The following PDE4C variants were observed in gnomAD, a reference collection of about 807,000 sequenced individuals.
The protein encoded by PDE4C is 3',5'-cyclic-AMP phosphodiesterase 4C.
A neutral mutation model predicts 63.9 loss-of-function variants in PDE4C; 50 were observed. The observed-to-expected ratio is 0.78, with a 90% CI of 0.62 to 0.99. The LOEUF (loss-of-function observed/expected upper bound fraction) is 0.99, where lower values mean the gene tolerates loss of function less well. PDE4C is among the 50% of genes least tolerant of loss of function. The pLI, the probability that PDE4C is intolerant of heterozygous loss-of-function variation, is 0.00. For missense variants in PDE4C, 777 were observed against 899.1 expected (o/e 0.86, Z 1.74); for synonymous variants, 377 against 385.1 (o/e 0.98, Z 0.25).
intron 4 of PDE4C, 56 bp downstream of exon 4, chr19:18,221,049 T>TCCGCCAGGCCCCGCCGCACC: frequency 8.1e-7 from 1 of 1,239,968 alleles, no homozygotes; most frequent in Non-Finnish European, 1.1e-6. Context: ...CAGCCCGCTT[T>TCCGCCAGGCCCCGCCGCACC]CCGCCCACCT....
chr19:18,220,318 A>T lies in PDE4C; in HGVS notation c.614T>A (p.Phe205Tyr). ...CAACTCCCGGTTCAGGATCCGCTTG[A>T]ACTGGGGCGGAGAGAAGGTGAAGAC... The change falls in exon 7 of 15, where the codon TTC (phenylalanine) becomes TAC (tyrosine). Residue 205 changes from phenylalanine (F) to tyrosine (Y), a missense_variant and splice_region_variant. By Grantham distance (22) the Phe-to-Tyr change is conservative. This residue lies in a region of PDE4C where 28 missense variants were observed against 53.5 expected (regional missense o/e 0.52). Coordinates refer to ENST00000262805, the Ensembl canonical transcript of PDE4C. The surrounding 1 kb of genome is among the most constrained non-coding windows in gnomAD (Gnocchi z 5.1). The T allele has an allele frequency of 6.2e-7, 1 of 1,614,032 alleles. No homozygotes were observed. Among genetic ancestry groups the T allele is most frequent in the Non-Finnish European group, 8.5e-7 (1 of 1,179,996 alleles).
chr19:18,246,329 G>A (rs1481978641), intron 1 of PDE4C, among the ~76,000 whole-genome samples: 2 of 149,330 alleles, frequency 1.3e-5, no homozygotes, highest in Non-Finnish European at 3.0e-5. Context: ...GACTACAGGC[G>A]TACACCACCA....
At position 18,218,552 on chromosome 19, in the gene PDE4C, G is replaced by A. The variant is rs193170988; in HGVS notation, c.970-54C>T. ...CCTTGGCCTTGGGGCTGCAGCACAC[G>A]CTGTTCCTACCCCTCTCTTCTGAAC... is the stretch of plus-strand genomic sequence containing the variant. On this transcript the variant is annotated intron_variant, in intron 9 of 14. Coordinates refer to ENST00000262805, the Ensembl canonical transcript of PDE4C. The A allele has an allele frequency of 6.5e-4, 1,041 of 1,592,800 alleles. 5 individuals are homozygous for A. In the Middle Eastern group the frequency reaches 0.012, roughly 18 times the overall value.
intron 12 of PDE4C, among the ~76,000 whole-genome samples, chr19:18,214,983 G>A (rs1396647383): frequency 2.0e-5 from 3 of 150,320 alleles, no homozygotes; most frequent in Non-Finnish European, 4.4e-5. Flanking sequence ...ACCCACCCAT[G>A]TGGACTCAGC....
At chr19:18,224,128 C>G (rs545189114) in intron 1 of PDE4C, 20 of 870,762 alleles carry the variant, frequency 2.3e-5, no homozygotes, top group Admixed American at 6.2e-5. Context: ...ACTACCTGTC[C>G]CGTTCTACCC....
chr19:18,230,784 C>A (rs1968831901), upstream of PDE4C, among the ~76,000 whole-genome samples: 1 of 152,166 alleles, frequency 6.6e-6, no homozygotes, highest in South Asian at 2.1e-4. Context: ...TGTTCTCTGA[C>A]CTTTCCCTAT....
Position 18,226,267 on chromosome 19 carries a change from C to T in PDE4C, c.146+3G>A, listed in dbSNP as rs766632695. On this transcript the variant is annotated splice_donor_region_variant and intron_variant, in intron 1 of 14. Transcript: ENST00000262805. ...CCCCGCCAGGCCCTCTGTCCAGCCT[C>T]ACCACAGCGGATGGGCCACCGTGAA... 3.2e-6 allele frequency: 5 copies of T among 1,559,540 alleles called. No individual in the cohort carries two copies. The highest frequency in any genetic ancestry group is 4.3e-6 in the Non-Finnish European group (5 of 1,154,152).
At chr19:18,225,162 G>A (rs1600089328) in intron 1 of PDE4C, among the ~76,000 whole-genome samples, 1 of 152,162 alleles carries the variant, frequency 6.6e-6, no homozygotes, top group African/African-American at 2.4e-5. Flanking sequence ...GCGGTGCGGG[G>A]GTAGAGCCCC....
intron 1 of PDE4C, among the ~76,000 whole-genome samples, chr19:18,222,657 T>TTCTCTCTCTCTC (rs138832810): frequency 3.6e-5 from 3 of 82,412 alleles, no homozygotes; most frequent in East Asian, 4.0e-4. Flanking sequence ...TTCTCGTTCT[T>TTCTCTCTCTCTC]TCTCTCTCTC....
At chr19:18,214,454 A>G (rs959730472) in intron 12 of PDE4C, among the ~76,000 whole-genome samples, 1 of 151,942 alleles carries the variant, frequency 6.6e-6, no homozygotes. Flanking sequence ...TGTGGCTGGA[A>G]GAAGTGAGCT....
chr19:18,252,824 C>T (rs532149674), upstream of PDE4C, among the ~76,000 whole-genome samples: 171 of 152,330 alleles, frequency 1.1e-3, 1 homozygote, highest in Middle Eastern at 6.8e-3. Flanking sequence ...CCAGATTTGT[C>T]TCGAACTTCT....
In PDE4C at chr19:18,220,494, G is replaced by A; in HGVS notation, c.521C>T (p.Ala174Val). 1 of 1,614,100 alleles carries A rather than the reference G, an allele frequency of 6.2e-7. No homozygotes were observed. The highest frequency in any genetic ancestry group is 8.5e-7 in the Non-Finnish European group (1 of 1,180,014). The change falls in exon 6 of 15, where the codon GCA becomes GTA. Residue 174 changes from alanine (A) to valine (V), a missense_variant. Around this residue, in one of 3 missense-constraint regions of PDE4C, gnomAD observed 249 missense variants for 247.8 expected, o/e 1.00. Coordinates refer to ENST00000262805, the Ensembl canonical transcript of PDE4C. The surrounding 1 kb of genome is among the most constrained non-coding windows in gnomAD (Gnocchi z 5.1). ...GTCCAGCTCGTCTAGCGTCTCCAAT[G>A]CCAGCTTCTGCCCCGTGTCCTCTGG...
chr19:18,247,589 C>G (rs1246837449), intron 1 of PDE4C, among the ~76,000 whole-genome samples: 2 of 152,208 alleles, frequency 1.3e-5, no homozygotes, highest in South Asian at 2.1e-4. Flanking sequence ...AGCCACCGCG[C>G]CTGGCCAGCT....
rs147372445 is a variant in PDE4C at position 18,216,807 on chromosome 19, G to C, written c.1323C>G (p.Asn441Lys). ...CGCTGAGGTTCTGGAAGATATCGCAGTTCTCTGCCTGCAGCAGCTTGAAGC... is the reference window on the plus strand; with the variant it reads ...CGCTGAGGTTCTGGAAGATATCGCACTTCTCTGCCTGCAGCAGCTTGAAGC... Residue 441 changes from asparagine (N) to lysine (K), a missense_variant, in exon 12 of 15, where the codon AAC (asparagine) becomes AAG (lysine). This residue lies in a region of PDE4C where 500 missense variants were observed against 597.8 expected (regional missense o/e 0.84). Transcript: ENST00000262805. 1.4e-5 allele frequency: 23 copies of C among 1,614,018 alleles called. 1 individual carries two copies. Among genetic ancestry groups the C allele is most frequent in the African/African-American group, 2.7e-5 (2 of 74,904 alleles).
chr19:18,219,227 G>A lies in PDE4C; in HGVS notation c.870+7C>T, dbSNP rs1430747268. 6.2e-7 allele frequency: 1 copy of A among 1,614,102 alleles called. No homozygotes were observed. The highest frequency in any genetic ancestry group is 8.5e-7 in the Non-Finnish European group (1 of 1,180,034). ...CCTTGATCTTGGCATTGTGGTTGGG[G>A]ACCCACCTTGGCCAGTTGCTCCTCC... On this transcript the variant is annotated splice_region_variant and intron_variant, in intron 8 of 14. Coordinates refer to ENST00000262805, the Ensembl canonical transcript of PDE4C.
chr19:18,225,670 G>T (rs1050685286), intron 1 of PDE4C: 1 of 151,968 alleles, frequency 6.6e-6, no homozygotes, highest in African/African-American at 2.4e-5. Flanking sequence ...TTCGAACCCA[G>T]AGGGGTGGAC....
chr19:18,213,244 A>T, intron 13 of PDE4C, 124 bp downstream of exon 13: 1 of 788,184 alleles, frequency 1.3e-6, no homozygotes, highest in South Asian at 2.2e-5. Flanking sequence ...AGATGGCGCC[A>T]CTGCACTCCA....
At chr19:18,253,927 T>C in the PDE4C span, among the ~76,000 whole-genome samples, 1 of 152,214 alleles carries the variant, frequency 6.6e-6, no homozygotes, top group Non-Finnish European at 1.5e-5. Context: ...GCTCCACCCA[T>C]GCACTCTGCT....
At chr19:18,253,075 A>G (rs1277704555), upstream of PDE4C, among the ~76,000 whole-genome samples, 1 of 152,188 alleles carries the variant, frequency 6.6e-6, no homozygotes, top group Non-Finnish European at 1.5e-5. Flanking sequence ...CAGCGTTCCC[A>G]GTCCTCTTGG....
Sources: gnomAD v4.1 joint callset for allele counts (sites outside exome capture counted in the v4.1 genomes callset) on GRCh38, gnomAD v4.1.1 for gene constraint, gnomAD v4.1.1 regional missense constraint, Gnocchi (gnomAD v3.1) non-coding constraint, MANE v1.5 for transcripts, NCBI Gene and HGNC (gene_info 2026-07-23, HGNC 2026-07-21) for gene names.